The following POU2F3 variants were observed in gnomAD, a reference collection of about 807,000 sequenced individuals.
POU2F3 encodes POU domain, class 2, transcription factor 3.
A neutral mutation model predicts 59.2 loss-of-function variants in POU2F3; 23 were observed. That is an observed-to-expected ratio of 0.39 (90% CI 0.28 to 0.55). The LOEUF (loss-of-function observed/expected upper bound fraction) is 0.55. POU2F3 is among the 20% of genes least tolerant of loss of function. POU2F3 has a pLI of 0.66. For missense variants in POU2F3, 473 were observed against 544.5 expected (o/e 0.87, Z 1.31); for synonymous variants, 190 against 214.6 (o/e 0.89, Z 1.00).
intron 6 of POU2F3, 53 bp from the exon 7 acceptor site, chr11:120,304,977 A>AAAAAAAATT: frequency 8.8e-7 from 1 of 1,138,526 alleles, no homozygotes; most frequent in Non-Finnish European, 1.2e-6. Context: ...AAAAATCAGA[A>AAAAAAAATT]AATGTTATTT....
chr11:120,239,328 A>C (rs188889384), upstream of POU2F3, among the ~76,000 whole-genome samples: 10 of 152,336 alleles, frequency 6.6e-5, no homozygotes, highest in East Asian at 1.7e-3. Context: ...TGGGTGCTGC[A>C]AAGAGCACTG....
chr11:120,309,357 T>C, intron 9 of POU2F3, 68 bp from the exon 10 acceptor site: 1 of 1,471,914 alleles, frequency 6.8e-7, no homozygotes, highest in Non-Finnish European at 9.4e-7. Flanking sequence ...TCCTGTTTCT[T>C]TGGGACCTCT....
intron 3 of POU2F3, among the ~76,000 whole-genome samples, chr11:120,276,989 A>T (rs962971937): frequency 2.0e-5 from 3 of 152,144 alleles, no homozygotes; most frequent in African/African-American, 7.2e-5. Context: ...CTCTATAAAA[A>T]ATACAAAATA....
intron 8 of POU2F3, 72 bp from the exon 9 acceptor site, chr11:120,307,407 C>T: frequency 1.3e-6 from 2 of 1,553,306 alleles, no homozygotes; most frequent in South Asian, 1.2e-5. Context: ...GGTTGTTGGA[C>T]CTCAGATCCA....
In POU2F3 at chr11:120,248,854, T is replaced by A. The variant is rs1182634419; in HGVS notation, c.97+2337T>A. On this transcript the variant is annotated intron_variant, in intron 2 of 12. Coordinates refer to ENST00000543440, the MANE Select transcript of POU2F3 (RefSeq NM_014352.4). ...GAGTCACAATGGTTACCAACTTGGTTTAATGGCTTCCTTTGGATTTTAAAA... is the reference window on the plus strand; with the variant it reads ...GAGTCACAATGGTTACCAACTTGGTATAATGGCTTCCTTTGGATTTTAAAA... 4.6e-5 allele frequency among the ~76,000 whole-genome samples: 7 copies of A among 152,350 alleles called. No individual in the cohort carries two copies. The East Asian group carries it at 1.3e-3, about 29-fold the overall frequency.
chr11:120,265,143 A>T (rs1459874900), intron 2 of POU2F3, among the ~76,000 whole-genome samples: 1 of 152,246 alleles, frequency 6.6e-6, no homozygotes, highest in Non-Finnish European at 1.5e-5. Context: ...GAAGGAAAGC[A>T]GGAACAAGCA....
intron 6 of POU2F3, chr11:120,303,296 T>C (rs1941400097): frequency 6.6e-6 from 1 of 152,232 alleles, no homozygotes; most frequent in South Asian, 2.1e-4. Context: ...GCCATGGGCT[T>C]ACAGCTGGAA....
Position 120,317,227 on chromosome 11 carries a change from A to G in POU2F3, c.1136-2A>G, listed in dbSNP as rs770635907. 1.2e-6 allele frequency: 2 copies of G among 1,614,084 alleles called. No individual in the cohort carries two copies. Among genetic ancestry groups the G allele is most frequent in the Admixed American group, 3.3e-5 (2 of 60,026 alleles). On this transcript the variant is annotated splice_acceptor_variant, in intron 11 of 12. Transcript: ENST00000543440. LOFTEE classifies it high-confidence loss of function. ...CTTGTTTTTGCCTCTCCTTATCCTC[A>G]GTAACGTCATCCTGTTCCCCTGGGA... is the stretch of plus-strand genomic sequence containing the variant.
Position 120,273,861 on chromosome 11 carries a change from A to G in POU2F3, c.132+4617A>G, listed in dbSNP as rs1368025795. On this transcript the variant is annotated intron_variant, in intron 3 of 12. Transcript: ENST00000543440. ...CGAAACACCATCTCTACTAAAAAAT[A>G]CAAAAATTAGCTGGGTGTGGTGGCA... is the stretch of plus-strand genomic sequence containing the variant. Among the ~76,000 whole-genome samples the G allele has an allele frequency of 2.0e-5, 3 of 152,078 alleles. No homozygotes were observed. The South Asian group carries it at 6.2e-4, about 32-fold the overall frequency.
intron 3 of POU2F3, among the ~76,000 whole-genome samples, chr11:120,272,861 G>A (rs778316997): frequency 5.9e-5 from 9 of 152,124 alleles, no homozygotes; most frequent in Non-Finnish European, 1.2e-4. Flanking sequence ...TTCCAGTGCT[G>A]TCTGTCCCTC....
intron 2 of POU2F3, among the ~76,000 whole-genome samples, chr11:120,255,746 G>A (rs895391248): frequency 1.3e-5 from 2 of 152,072 alleles, no homozygotes; most frequent in Non-Finnish European, 2.9e-5. Context: ...CCTCACAGGA[G>A]AGCCGGCTGG....
In POU2F3 at chr11:120,297,936, A is replaced by ATT. The variant is rs1335660134; in HGVS notation, c.133-311_133-310dup. 2.2e-3 allele frequency among the ~76,000 whole-genome samples: 256 copies of ATT among 113,782 alleles called. 1 individual carries two copies. Among genetic ancestry groups the ATT allele is most frequent in the African/African-American group, 7.2e-3 (228 of 31,844 alleles). 74.6% of individuals were successfully genotyped at this position (113,782 alleles called of 152,430 possible). Reference sequence around the variant, plus strand: ...TAGGCATGTAACACCATGCCTGGCTATTTTTTTTTTTTTTTTTTTGGTTTA... The same window carrying ATT: ...TAGGCATGTAACACCATGCCTGGCTATTTTTTTTTTTTTTTTTTTTTGGTTTA... On this transcript the variant is annotated intron_variant, in intron 3 of 12. Coordinates refer to ENST00000543440, the MANE Select transcript of POU2F3 (RefSeq NM_014352.4).
At position 120,305,697 on chromosome 11, in the gene POU2F3, C is replaced by A. The variant is rs774967778; in HGVS notation, c.681C>A (p.Thr227=). ...GKLYGNDFSQ[T]TISRFEALNL... The stretch of plus-strand genomic sequence containing the variant: ...TGTATGGCAACGACTTCAGCCAGAC[C>A]ACCATCTCACGATTTGAGGCCCTCA... The change falls in exon 8 of 13, where the codon ACC becomes ACA. Residue 227 remains threonine (T), a synonymous_variant. Coordinates refer to ENST00000543440, the MANE Select transcript of POU2F3 (RefSeq NM_014352.4). The A allele has an allele frequency of 6.2e-7, 1 of 1,614,008 alleles. No individual in the cohort carries two copies. Among genetic ancestry groups the A allele is most frequent in the Non-Finnish European group, 8.5e-7 (1 of 1,180,034 alleles).
chr11:120,253,202 C>T (rs1939189563), intron 2 of POU2F3, among the ~76,000 whole-genome samples: 1 of 152,184 alleles, frequency 6.6e-6, no homozygotes, highest in African/African-American at 2.4e-5. Context: ...AAATGGCTCA[C>T]ACCCAATTCA....
At chr11:120,305,572 C>G in intron 7 of POU2F3, 72 bp from the exon 8 acceptor site, 9 of 1,581,662 alleles carry the variant, frequency 5.7e-6, no homozygotes, top group Non-Finnish European at 7.7e-6. Context: ...GATGCTAGGA[C>G]CATGCAGGAT....
intron 10 of POU2F3, 145 bp downstream of exon 10, chr11:120,309,731 C>A: frequency 2.0e-6 from 2 of 998,998 alleles, no homozygotes; most frequent in South Asian, 2.0e-5. Context: ...TAAAGAAGGG[C>A]GAGGGAATAG....
chr11:120,288,031 T>A, intron 3 of POU2F3, among the ~76,000 whole-genome samples: 1 of 139,144 alleles, frequency 7.2e-6, no homozygotes, highest in Non-Finnish European at 1.5e-5. Context: ...GAAGCAGAGA[T>A]AAACTTGATT....
upstream of POU2F3, among the ~76,000 whole-genome samples, chr11:120,237,769 G>A (rs1938536914): frequency 1.3e-5 from 2 of 152,226 alleles, no homozygotes; most frequent in South Asian, 2.1e-4. Flanking sequence ...GTAAGAAATG[G>A]ACTTCAGGGA....
chr11:120,301,175 A>G, intron 5 of POU2F3: 1 of 433,954 alleles, frequency 2.3e-6, no homozygotes. Flanking sequence ...TCACTTACTA[A>G]CTGTGTGTTT....
Sources: gnomAD v4.1 joint callset for allele counts (sites outside exome capture counted in the v4.1 genomes callset) on GRCh38, gnomAD v4.1.1 for gene constraint, MANE v1.5 for transcripts, NCBI Gene and HGNC (gene_info 2026-07-23, HGNC 2026-07-21) for gene names.